CMIP: variants seen among roughly 807,000 people sequenced by gnomAD.
CMIP encodes c-Maf inducing protein.
CMIP carries 13 observed loss-of-function variants against 97.3 expected under a neutral mutation model. That is an observed-to-expected ratio of 0.13 (90% CI 0.09 to 0.21). CMIP has a LOEUF of 0.21. Among genes scored for constraint, CMIP ranks in the 10% least tolerant of loss-of-function variants. The probability of loss-of-function intolerance (pLI) is 1.00; values close to 1 mark genes in which losing one functional copy is unlikely to be tolerated. For missense variants in CMIP, 847 were observed against 1,024.9 expected (o/e 0.83, Z 2.37); for synonymous variants, 538 against 436.3 (o/e 1.23, Z -2.91).
intron 7 of CMIP, among the ~76,000 whole-genome samples, chr16:81,668,448 G>A (rs1488176333): frequency 6.6e-6 from 1 of 152,154 alleles, no homozygotes; most frequent in African/African-American, 2.4e-5. Context: ...GCTGGGCGCC[G>A]ACTTCCTGCC....
chr16:81,461,960 G>A (rs1031162583), intron 1 of CMIP, among the ~76,000 whole-genome samples: 8 of 152,222 alleles, frequency 5.3e-5, no homozygotes, highest in Non-Finnish European at 1.2e-4. Flanking sequence ...CAGTTCTCAT[G>A]GAGCTGGCTG....
chr16:81,653,152 G>T (rs1240371598), intron 4 of CMIP, among the ~76,000 whole-genome samples: 6 of 152,286 alleles, frequency 3.9e-5, no homozygotes, highest in African/African-American at 1.4e-4. Flanking sequence ...TGCTCACCTG[G>T]CCCTCTGGGA....
In CMIP at chr16:81,452,587, C is replaced by T. The variant is rs1271688122; in HGVS notation, c.300+7046C>T. On this transcript the variant is annotated intron_variant, in intron 1 of 20. Transcript: ENST00000537098. ...GCTTTGTACATAGTGGTCAGGGAAG[C>T]GGGTGATAGGACTTCCAGGGGGAAG... Among the ~76,000 whole-genome samples the T allele has an allele frequency of 6.6e-5, 10 of 152,048 alleles. 1 individual carries two copies. The East Asian group carries it at 1.4e-3, about 21-fold the overall frequency.
chr16:81,633,411 G>C (rs2092191708), intron 3 of CMIP, among the ~76,000 whole-genome samples: 1 of 152,234 alleles, frequency 6.6e-6, no homozygotes, highest in East Asian at 1.9e-4. Flanking sequence ...GCCAAACAGA[G>C]ACTTTAAAAA....
intron 3 of CMIP, chr16:81,651,279 T>G (rs1597197978): frequency 4.7e-6 from 1 of 212,108 alleles, no homozygotes; most frequent in Non-Finnish European, 8.1e-6. Context: ...CGGGCGGGGG[T>G]GGAGGGAGTG....
intron 1 of CMIP, among the ~76,000 whole-genome samples, chr16:81,592,387 C>T (rs1487333572): frequency 3.3e-5 from 5 of 152,146 alleles, no homozygotes; most frequent in East Asian, 1.9e-4. Flanking sequence ...GTTTCCTTGG[C>T]GGAGAATGCC....
chr16:81,584,810 A>G (rs1419243675), intron 1 of CMIP, among the ~76,000 whole-genome samples: 2 of 152,214 alleles, frequency 1.3e-5, no homozygotes, highest in Non-Finnish European at 1.5e-5. Context: ...TCTGTCCAGT[A>G]AAGGAACGCT....
intron 15 of CMIP, among the ~76,000 whole-genome samples, chr16:81,700,175 G>C (rs897772433): frequency 4.6e-5 from 7 of 152,124 alleles, no homozygotes; most frequent in African/African-American, 1.7e-4. Flanking sequence ...CAGTCAGATG[G>C]GGCCAGGTTG....
At chr16:81,646,944 G>A (rs2092370684) in intron 3 of CMIP, among the ~76,000 whole-genome samples, 1 of 152,170 alleles carries the variant, frequency 6.6e-6, no homozygotes, top group African/African-American at 2.4e-5. Context: ...TTTGGAGTTT[G>A]TTTCTCTTTC....
chr16:81,678,051 C>T (rs73600443), intron 9 of CMIP, among the ~76,000 whole-genome samples: 145 of 152,350 alleles, frequency 9.5e-4, no homozygotes, highest in African/African-American at 3.3e-3. Flanking sequence ...GCTGTAGAGA[C>T]AGGCAACCTG....
intron 1 of CMIP, among the ~76,000 whole-genome samples, chr16:81,537,982 G>C (rs112499099): frequency 6.6e-6 from 1 of 152,222 alleles, no homozygotes; most frequent in Admixed American, 6.5e-5. Flanking sequence ...CCGGCATTCC[G>C]GACAGAACAA....
At chr16:81,699,614 C>T (rs1046971799) in intron 14 of CMIP, 71 bp from the exon 15 acceptor site, 1 of 1,023,872 alleles carries the variant, frequency 9.8e-7, no homozygotes. Context: ...CTTGGGCTCA[C>T]TTCCTGCCAG....
chr16:81,595,860 T>G (rs2091546836), intron 1 of CMIP, among the ~76,000 whole-genome samples: 1 of 152,222 alleles, frequency 6.6e-6, no homozygotes, highest in African/African-American at 2.4e-5. Context: ...TGTGCATGTT[T>G]TTGTGTGAAC....
At chr16:81,642,318 C>T (rs1246484141) in intron 3 of CMIP, among the ~76,000 whole-genome samples, 1 of 152,178 alleles carries the variant, frequency 6.6e-6, no homozygotes, top group African/African-American at 2.4e-5. Context: ...CCACTCCCTG[C>T]CCCTCCATAG....
intron 2 of CMIP, among the ~76,000 whole-genome samples, chr16:81,618,296 T>C (rs917334822): frequency 6.6e-6 from 1 of 152,156 alleles, no homozygotes; most frequent in African/African-American, 2.4e-5. Flanking sequence ...ATTCCTTGGC[T>C]CATGGCCACA....
At chr16:81,450,108 C>G (rs533251571) in intron 1 of CMIP, among the ~76,000 whole-genome samples, 1 of 152,314 alleles carries the variant, frequency 6.6e-6, no homozygotes, top group South Asian at 2.1e-4. Context: ...TTCTGGGGCA[C>G]TGTCCTGGGC....
chr16:81,588,167 G>A (rs2091412589), intron 1 of CMIP, among the ~76,000 whole-genome samples: 1 of 152,164 alleles, frequency 6.6e-6, no homozygotes, highest in South Asian at 2.1e-4. Flanking sequence ...CCCCAGGGCT[G>A]GGCCGATCAC....
At position 81,587,610 on chromosome 16, in the gene CMIP, C is replaced by T. The variant is rs12050932; in HGVS notation, c.301-19957C>T. Among the ~76,000 whole-genome samples, 21 of 152,296 alleles carry T rather than the reference C, an allele frequency of 1.4e-4. No individual in the cohort carries two copies. The East Asian group carries it at 3.5e-3, about 25-fold the overall frequency. On this transcript the variant is annotated intron_variant, in intron 1 of 20. Coordinates refer to ENST00000537098, the MANE Select transcript of CMIP (RefSeq NM_198390.3). Reference sequence around the variant, plus strand: ...CCAAAGGTGCTAGAGATGAAGTGGCCGCCAAAGGCCACCCAATGGGTGAGC... The same window carrying T: ...CCAAAGGTGCTAGAGATGAAGTGGCTGCCAAAGGCCACCCAATGGGTGAGC...
chr16:81,506,904 CA>C (rs35148332), intron 1 of CMIP, among the ~76,000 whole-genome samples: 21,943 of 105,784 alleles, frequency 0.21, 2,078 homozygotes, highest in East Asian at 0.4. Context: ...GACTCCGTCT[CA>C]AAAAAAAAAA....
Sources: allele counts gnomAD v4.1 joint callset (sites outside exome capture counted in the v4.1 genomes callset), GRCh38; gene constraint gnomAD v4.1.1; transcripts MANE v1.5; gene names NCBI Gene and HGNC (gene_info 2026-07-23, HGNC 2026-07-21).